The following CRIPT variants were observed in gnomAD, a reference collection of about 807,000 sequenced individuals.
CRIPT encodes the protein CXXC repeat containing interactor of PDZ3 domain, also known as cysteine-rich PDZ-binding protein.
In CRIPT, 20 loss-of-function variants were observed where a neutral mutation model predicts 16.6. The ratio of observed to expected loss-of-function variants is 1.20; its 90% CI spans 0.85 to 1.75. CRIPT has a LOEUF of 1.75. Ranked by LOEUF, CRIPT falls within the 40% of genes most tolerant of loss-of-function variation. The probability of loss-of-function intolerance (pLI) is 0.00; values close to 1 mark genes in which losing one functional copy is unlikely to be tolerated. For missense variants in CRIPT, 133 were observed against 115.3 expected (o/e 1.15, Z -0.70); for synonymous variants, 42 against 37.0 (o/e 1.14, Z -0.49).
In CRIPT at chr2:46,629,079, A is replaced by G. The variant is rs1671011361; in HGVS notation, c.*4852A>G. 6.6e-6 allele frequency among the ~76,000 whole-genome samples: 1 copy of G among 152,244 alleles called. No homozygotes were observed. Among genetic ancestry groups the G allele is most frequent in the Non-Finnish European group, 1.5e-5 (1 of 68,040 alleles). On this transcript the variant is annotated 3_prime_UTR_variant, in exon 5 of 5. Coordinates refer to ENST00000238892, the MANE Select transcript of CRIPT (RefSeq NM_014171.6). ...ATCCATTAGAATATATAGCTGTCAGAATGATAGAAGAATTACATATGTGTG... is the reference window on the plus strand; with the variant it reads ...ATCCATTAGAATATATAGCTGTCAGGATGATAGAAGAATTACATATGTGTG...
rs1397443218 is a variant in CRIPT at position 46,628,915 on chromosome 2, A to T, written c.*4688A>T. Among the ~76,000 whole-genome samples, 3 of 152,250 alleles carry T rather than the reference A, an allele frequency of 2.0e-5. No individual in the cohort carries two copies. Among genetic ancestry groups the T allele is most frequent in the Non-Finnish European group, 4.4e-5 (3 of 68,034 alleles). ...AAAAATGCAGAAAAAAAGTTTAAAA[A>T]CAAGGAATTAAAGCCAAACCTAACT... On this transcript the variant is annotated 3_prime_UTR_variant, in exon 5 of 5. Coordinates refer to ENST00000238892, the MANE Select transcript of CRIPT (RefSeq NM_014171.6).
intron 1 of CRIPT, among the ~76,000 whole-genome samples, chr2:46,617,692 A>G (rs771660064): frequency 6.6e-6 from 1 of 152,212 alleles, no homozygotes; most frequent in South Asian, 2.1e-4. Flanking sequence ...CCAAAGACTA[A>G]GGACTTTGCC....
At chr2:46,623,496 G>C (rs1182217763) in intron 3 of CRIPT, among the ~76,000 whole-genome samples, 1 of 152,136 alleles carries the variant, frequency 6.6e-6, no homozygotes, top group Non-Finnish European at 1.5e-5. Flanking sequence ...CACACAAATA[G>C]AATGACAGAT....
intron 3 of CRIPT, among the ~76,000 whole-genome samples, chr2:46,623,277 G>T (rs1004480756): frequency 6.6e-6 from 1 of 152,140 alleles, no homozygotes; most frequent in African/African-American, 2.4e-5. Context: ...AATATGTTCA[G>T]TTTCTTTAAA....
intron 1 of CRIPT, among the ~76,000 whole-genome samples, chr2:46,617,704 T>A (rs1670700223): frequency 6.6e-6 from 1 of 152,200 alleles, no homozygotes; most frequent in Non-Finnish European, 1.5e-5. Context: ...GACTTTGCCT[T>A]ATTCATTCTC....
At chr2:46,619,603 A>C (rs753830011) in intron 2 of CRIPT, 24 bp from the exon 3 acceptor site, 5 of 1,564,326 alleles carry the variant, frequency 3.2e-6, no homozygotes, top group Non-Finnish European at 4.4e-6. Context: ...ATAACCCACT[A>C]AAATATCTTT....
At position 46,617,216 on chromosome 2, in the gene CRIPT, T is replaced by C. The variant is rs1455177384; in HGVS notation, c.-67T>C. On this transcript the variant is annotated 5_prime_UTR_variant, in exon 1 of 5. Coordinates refer to ENST00000238892, the MANE Select transcript of CRIPT (RefSeq NM_014171.6). ...CCGGAAGGGGAATACTTCCAAGTTG[T>C]AGTGTTGTTGTTTTCAGCCTGCTGC... 13 of 1,547,800 alleles carry C rather than the reference T, an allele frequency of 8.4e-6. No individual in the cohort carries two copies. The highest frequency in any genetic ancestry group is 1.1e-5 in the Non-Finnish European group (13 of 1,144,296).
chr2:46,623,202 G>A (rs902575052), intron 3 of CRIPT, among the ~76,000 whole-genome samples: 1 of 152,120 alleles, frequency 6.6e-6, no homozygotes, highest in African/African-American at 2.4e-5. Context: ...TTGAAACAAA[G>A]CCTTTTGAGC....
chr2:46,624,183 A>T lies in CRIPT; in HGVS notation c.262A>T (p.Lys88Ter). The change falls in exon 5 of 5, where the codon AAA (lysine) becomes TAA (stop). Residue 88 changes from lysine to a stop codon, truncating the protein, a stop_gained. Coordinates refer to ENST00000238892, the MANE Select transcript of CRIPT (RefSeq NM_014171.6). LOFTEE classifies it high-confidence loss of function. The stretch of plus-strand genomic sequence containing the variant: ...TTCAGGCATCTGTGCGATGTGTGGA[A>T]AAAAGGTTTTGGATACCAAAAACTA... ...YKKGICAMCGKKVLDTKNYKQ... is the reference protein window; with the variant it reads ...YKKGICAMCG 1.3e-6 allele frequency: 2 copies of T among 1,583,184 alleles called. No homozygotes were observed. The highest frequency in any genetic ancestry group is 4.6e-5 in the East Asian group (2 of 43,790).
rs781270011 is a variant in CRIPT at position 46,618,311 on chromosome 2, A to T, written c.17-462A>T. Among the ~76,000 whole-genome samples the T allele has an allele frequency of 1.7e-4, 26 of 152,068 alleles. 1 individual carries two copies. The highest frequency in any genetic ancestry group is 7.9e-4 in the Admixed American group (12 of 15,260). On this transcript the variant is annotated intron_variant, in intron 1 of 4. Coordinates refer to ENST00000238892, the MANE Select transcript of CRIPT (RefSeq NM_014171.6). The stretch of plus-strand genomic sequence containing the variant: ...CTTGCCAGGAAAAAAAAATGAATAT[A>T]TAAAAGGTTTGTGTACAACTCCACC...
chr2:46,618,969 TG>T, intron 2 of CRIPT, 131 bp downstream of exon 2: 1 of 568,570 alleles, frequency 1.8e-6, no homozygotes, highest in Non-Finnish European at 3.1e-6. Context: ...TAAAGAATAC[TG>T]GGTCCTCAAG....
rs1455869595 is a variant in CRIPT at position 46,619,761 on chromosome 2, A to G, written c.137+80A>G. ...GTCTGCTGGAGTGAATTTGATGTGC[A>G]TCATTCCATTTGCAATAAAACAGAG... is the stretch of plus-strand genomic sequence containing the variant. On this transcript the variant is annotated intron_variant, in intron 3 of 4. Transcript: ENST00000238892. 7.4e-6 allele frequency: 8 copies of G among 1,079,920 alleles called. No individual in the cohort carries two copies. The South Asian group carries it at 1.1e-4, about 15-fold the overall frequency. 66.9% of individuals were successfully genotyped at this position (1,079,920 alleles called of 1,614,324 possible).
In CRIPT at chr2:46,627,903, A is replaced by C. The variant is rs1387647146; in HGVS notation, c.*3676A>C. On this transcript the variant is annotated 3_prime_UTR_variant, in exon 5 of 5. Coordinates refer to ENST00000238892, the MANE Select transcript of CRIPT (RefSeq NM_014171.6). ...TTGCTTATTTTTGTTAACTTTGTCA[A>C]AGGTCAGATGGCTGTAGGTGTGTAG... Among the ~76,000 whole-genome samples, 3 of 152,128 alleles carry C rather than the reference A, an allele frequency of 2.0e-5. No homozygotes were observed. Among genetic ancestry groups the C allele is most frequent in the Non-Finnish European group, 4.4e-5 (3 of 68,026 alleles).
Position 46,629,566 on chromosome 2 carries a change from G to A in CRIPT, c.*5339G>A, listed in dbSNP as rs1460639184. ...AATAGTAATATATTTGAAAAATACA[G>A]GACAGCTAAAGGATAGAGTATCCTT... On this transcript the variant is annotated 3_prime_UTR_variant, in exon 5 of 5. Coordinates refer to ENST00000238892, the MANE Select transcript of CRIPT (RefSeq NM_014171.6). 6.6e-6 allele frequency among the ~76,000 whole-genome samples: 1 copy of A among 152,108 alleles called. No individual in the cohort carries two copies. The highest frequency in any genetic ancestry group is 2.4e-5 in the African/African-American group (1 of 41,428).
chr2:46,623,380 T>C (rs1670857170), intron 3 of CRIPT, among the ~76,000 whole-genome samples: 1 of 152,202 alleles, frequency 6.6e-6, no homozygotes, highest in Non-Finnish European at 1.5e-5. Context: ...CCTAATTCAA[T>C]AGCAATTCAT....
In CRIPT at chr2:46,629,751, G is replaced by A. The variant is rs536239407; in HGVS notation, c.*5524G>A. Among the ~76,000 whole-genome samples, 1 of 152,282 alleles carries A rather than the reference G, an allele frequency of 6.6e-6. No individual in the cohort carries two copies. The highest frequency in any genetic ancestry group is 1.5e-5 in the Non-Finnish European group (1 of 68,024). ...CTAATTTTGATCACTTGGGTAAGAT[G>A]TCCAGTTTCTCCAGTGTATCGTTAT... is the stretch of plus-strand genomic sequence containing the variant. On this transcript the variant is annotated 3_prime_UTR_variant, in exon 5 of 5. Coordinates refer to ENST00000238892, the MANE Select transcript of CRIPT (RefSeq NM_014171.6).
chr2:46,620,720 A>G (rs1328927466), intron 3 of CRIPT, among the ~76,000 whole-genome samples: 1 of 147,712 alleles, frequency 6.8e-6, no homozygotes, highest in East Asian at 1.9e-4. Context: ...ATTATTATAT[A>G]TATATTATAA....
rs1315177119 is a variant in CRIPT, at chr2:46,627,427, T to G, written c.*3200T>G. Among the ~76,000 whole-genome samples, 1 of 151,826 alleles carries G rather than the reference T, an allele frequency of 6.6e-6. No individual in the cohort carries two copies. The highest frequency in any genetic ancestry group is 1.5e-5 in the Non-Finnish European group (1 of 67,950). Reference sequence around the variant, plus strand: ...CTTCTAGGACTCTTATAGCTTGAAGTCTTACATTTAAATCTTTTTTTTTTT... The same window carrying G: ...CTTCTAGGACTCTTATAGCTTGAAGGCTTACATTTAAATCTTTTTTTTTTT... On this transcript the variant is annotated 3_prime_UTR_variant, in exon 5 of 5. Transcript: ENST00000238892.
rs1305788979 is a variant in CRIPT at position 46,627,330 on chromosome 2, G to A, written c.*3103G>A. Among the ~76,000 whole-genome samples, 1 of 151,948 alleles carries A rather than the reference G, an allele frequency of 6.6e-6. No homozygotes were observed. The highest frequency in any genetic ancestry group is 1.5e-5 in the Non-Finnish European group (1 of 67,982). On this transcript the variant is annotated 3_prime_UTR_variant, in exon 5 of 5. Coordinates refer to ENST00000238892, the MANE Select transcript of CRIPT (RefSeq NM_014171.6). ...CCACTTGTCAATTTTTGTTTTTGTT[G>A]CAATTGCTTTTGAGGACTTAGCCGT...
Sources: allele counts gnomAD v4.1 joint callset (sites outside exome capture counted in the v4.1 genomes callset), GRCh38; gene constraint gnomAD v4.1.1; transcripts MANE v1.5; gene names NCBI Gene and HGNC (gene_info 2026-07-23, HGNC 2026-07-21).